The following RYR3 variants were observed in gnomAD, a reference collection of about 807,000 sequenced individuals.
The protein encoded by RYR3 is ryanodine receptor 3.
A neutral mutation model predicts 584.3 loss-of-function variants in RYR3; 207 were observed. The ratio of observed to expected loss-of-function variants is 0.35; its 90% confidence interval spans 0.32 to 0.40. RYR3 has a LOEUF of 0.40. RYR3 is among the 10% of genes least tolerant of loss of function. The pLI is 1.00. For synonymous variants in RYR3, 2,416 were observed against 2,248.5 expected, an observed-to-expected ratio of 1.07 and a Z score of -2.11; for missense variants, 5,616 against 6,089.2, an observed-to-expected ratio of 0.92 and a Z score of 2.59.
chr15:33,771,395 G>A (rs4525460), intron 62 of RYR3, among the ~76,000 whole-genome samples: 2 of 151,812 alleles, frequency 1.3e-5, no homozygotes, highest in East Asian at 2.0e-4. Context: ...TTAGCTGGGC[G>A]TGGTGGCGGG....
chr15:33,774,334 T>C (rs1039455202), intron 64 of RYR3, among the ~76,000 whole-genome samples: 1 of 152,230 alleles, frequency 6.6e-6, no homozygotes, highest in African/African-American at 2.4e-5. Context: ...TTTTGTTTTC[T>C]TTCTTGCCTT....
At chr15:33,462,390 C>T (rs1353132071) in intron 1 of RYR3, among the ~76,000 whole-genome samples, 1 of 152,134 alleles carries the variant, frequency 6.6e-6, no homozygotes, top group African/African-American at 2.4e-5. Flanking sequence ...GGGAAAATCC[C>T]AGAAAGCACC....
intron 88 of RYR3, 137 bp from the exon 89 acceptor site, chr15:33,837,494 T>C: frequency 3.3e-6 from 3 of 916,392 alleles, no homozygotes; most frequent in South Asian, 1.8e-5. Flanking sequence ...GGCTTGCTGC[T>C]CCCTCCTACA....
chr15:33,854,960 G>GA (rs2079491058), intron 98 of RYR3, 48 bp downstream of exon 98: 2 of 1,522,768 alleles, frequency 1.3e-6, no homozygotes, highest in South Asian at 1.3e-5. Flanking sequence ...ATATGCACAG[G>GA]AAAAAAAGAA....
rs1202622195 is a variant in RYR3 at position 33,311,019 on chromosome 15, TG to T, written c.-23del. 1.3e-6 allele frequency: 2 copies of T among 1,563,502 alleles called. No homozygotes were observed. Among genetic ancestry groups the T allele is most frequent in the Admixed American group, 1.8e-5 (1 of 55,238 alleles). On this transcript the variant is annotated 5_prime_UTR_variant, in exon 1 of 104. Coordinates refer to ENST00000634891, the MANE Select transcript of RYR3 (RefSeq NM_001036.6). This position sits in a 1 kb window ranked among gnomAD's most constrained non-coding sequence, Gnocchi z 4.4. ...CGGGGGAAGCAGAGGCGCCGGAGGCTGGGGCACCGCCGACGCCTCGGGAGCC... is the reference window on the plus strand; with the variant it reads ...CGGGGGAAGCAGAGGCGCCGGAGGCTGGGCACCGCCGACGCCTCGGGAGCC...
intron 99 of RYR3, 39 bp downstream of exon 99, chr15:33,857,953 C>A (rs370470086): frequency 1.3e-6 from 2 of 1,532,110 alleles, no homozygotes; most frequent in African/African-American, 1.6e-5. Context: ...CCACCCACTG[C>A]GGGGCCACCC....
At chr15:33,800,740 A>G in intron 67 of RYR3, 30 bp from the exon 68 acceptor site, 2 of 1,511,614 alleles carry the variant, frequency 1.3e-6, no homozygotes, top group Non-Finnish European at 1.8e-6. Flanking sequence ...ACTGAATTTC[A>G]AATGCCTGTT....
chr15:33,343,487 C>T (rs911945564), intron 1 of RYR3, among the ~76,000 whole-genome samples: 1 of 152,096 alleles, frequency 6.6e-6, no homozygotes, highest in Admixed American at 6.6e-5. Context: ...TTTTATGCCT[C>T]CTCCCATCCC....
At chr15:33,664,296 T>A (rs1030539406) in intron 36 of RYR3, among the ~76,000 whole-genome samples, 1 of 152,124 alleles carries the variant, frequency 6.6e-6, no homozygotes, top group South Asian at 2.1e-4. Context: ...ATTCATTCTT[T>A]ACAGTACCCA....
chr15:33,728,184 C>G (rs2068625416), intron 46 of RYR3, among the ~76,000 whole-genome samples: 1 of 152,150 alleles, frequency 6.6e-6, no homozygotes, highest in South Asian at 2.1e-4. Context: ...AGCATTTGCC[C>G]ATTTCTGTAG....
rs188519690 is a variant in RYR3 at position 33,624,804 on chromosome 15, A to T, written c.2574+781A>T. Among the ~76,000 whole-genome samples the T allele has an allele frequency of 5.9e-5, 9 of 152,352 alleles. No individual in the cohort carries two copies. The East Asian group carries it at 1.5e-3, about 26-fold the overall frequency. The stretch of plus-strand genomic sequence containing the variant: ...TATTTGAATCACTATTCTAGGTGTT[A>T]TAGAAAATAAATGAAAAGAGACCAT... On this transcript the variant is annotated intron_variant, in intron 20 of 103. Transcript: ENST00000634891.
At chr15:33,530,764 A>G (rs2054801557) in intron 4 of RYR3, 98 bp downstream of exon 4, 5 of 853,280 alleles carry the variant, frequency 5.9e-6, no homozygotes, top group Admixed American at 4.0e-5. Context: ...AACAGCAGGA[A>G]CAATTGGAAC....
rs1305382009 is a variant in RYR3, at chr15:33,838,252, A to G, written c.12272A>G (p.Asp4091Gly). 2 of 1,614,010 alleles carry G rather than the reference A, an allele frequency of 1.2e-6. No individual in the cohort carries two copies. Among genetic ancestry groups the G allele is most frequent in the East Asian group, 2.2e-5 (1 of 44,876 alleles). ...GAGCTGTTTGTGAACTTCTGTGAGG[A>G]CACCATCTTTGAAATGCAGTTAGCA... is the stretch of plus-strand genomic sequence containing the variant. ...KMELFVNFCE[D>G]TIFEMQLASQ... is the part of the protein sequence containing the mutation. The change falls in exon 89 of 104, where the codon GAC becomes GGC. Residue 4091 changes from aspartate (D) to glycine (G), a missense_variant. By Grantham distance (94) the Asp-to-Gly change is moderately conservative. Transcript: ENST00000634891.
intron 38 of RYR3, among the ~76,000 whole-genome samples, chr15:33,686,408 A>G (rs1204070722): frequency 6.6e-6 from 1 of 152,220 alleles, no homozygotes; most frequent in Non-Finnish European, 1.5e-5. Flanking sequence ...GACCAATAAC[A>G]GGCTCTGAAA....
intron 87 of RYR3, among the ~76,000 whole-genome samples, chr15:33,836,361 C>T (rs959860446): frequency 3.3e-5 from 5 of 152,048 alleles, no homozygotes; most frequent in African/African-American, 1.2e-4. Flanking sequence ...GAAATTAAAA[C>T]CAAACAGACT....
chr15:33,862,661 A>G lies in RYR3; in HGVS notation c.14466-1477A>G, dbSNP rs190454641. On this transcript the variant is annotated intron_variant, in intron 102 of 103. Coordinates refer to ENST00000634891, the MANE Select transcript of RYR3 (RefSeq NM_001036.6). ...AGACAGTCTCTGTCACCCAGGCTGA[A>G]GTGCAGTGGCGCCATCTTGGCTCAC... 1.7e-3 allele frequency among the ~76,000 whole-genome samples: 257 copies of G among 152,232 alleles called. 2 individuals are homozygous for G. The highest frequency in any genetic ancestry group is 3.1e-3 in the Admixed American group (48 of 15,304).
chr15:33,826,776 CA>C (rs2077397591), intron 84 of RYR3, 24 bp downstream of exon 84: 2 of 1,479,816 alleles, frequency 1.4e-6, no homozygotes, highest in South Asian at 2.4e-5. Flanking sequence ...ATTGATCTGC[CA>C]AGGAAACACA....
intron 41 of RYR3, among the ~76,000 whole-genome samples, chr15:33,700,369 A>G (rs1236199197): frequency 6.6e-6 from 1 of 152,246 alleles, no homozygotes; most frequent in Non-Finnish European, 1.5e-5. Context: ...AAGTCACTGC[A>G]TATGCCTTAC....
At chr15:33,623,743 T>A in intron 19 of RYR3, 64 bp from the exon 20 acceptor site, 8 of 1,219,416 alleles carry the variant, frequency 6.6e-6, no homozygotes, top group Non-Finnish European at 9.5e-6. Flanking sequence ...TCTTTAATTT[T>A]CACTTATTTG....
Sources: allele counts gnomAD v4.1 joint callset (sites outside exome capture counted in the v4.1 genomes callset), GRCh38; gene constraint gnomAD v4.1.1; non-coding constraint Gnocchi (gnomAD v3.1); transcripts MANE v1.5; gene names NCBI Gene and HGNC (gene_info 2026-07-23, HGNC 2026-07-21).